Variants in RBFOX1 observed in about 807,000 individuals in gnomAD.
The protein encoded by RBFOX1 is RNA binding protein fox-1 homolog 1.
A neutral mutation model predicts 57.7 loss-of-function variants in RBFOX1; 8 were observed. The observed-to-expected ratio is 0.14, with a 90% CI of 0.08 to 0.25. The LOEUF (loss-of-function observed/expected upper bound fraction) is 0.25, where lower values mean the gene tolerates loss of function less well. Among genes scored for constraint, RBFOX1 ranks in the 10% least tolerant of loss-of-function variants. The pLI, the probability that RBFOX1 is intolerant of heterozygous loss-of-function variation, is 1.00. For missense variants in RBFOX1, 611 were observed against 548.5 expected (o/e 1.11, Z -1.14); for synonymous variants, 326 against 222.4 (o/e 1.47, Z -4.15).
At chr16:7,687,317 G>T (rs2076275862) in intron 14 of RBFOX1, among the ~76,000 whole-genome samples, 1 of 152,012 alleles carries the variant, frequency 6.6e-6, no homozygotes, top group Admixed American at 6.6e-5. Context: ...TGATTGCAAG[G>T]AACCTCCCTT....
At chr16:6,220,664 T>G (rs941060912) in intron 1 of RBFOX1, among the ~76,000 whole-genome samples, 1 of 152,140 alleles carries the variant, frequency 6.6e-6, no homozygotes, top group Non-Finnish European at 1.5e-5. Context: ...TGGTTTGTGG[T>G]GTGTGTTTAC....
chr16:6,020,930 T>C (rs2152351240), intron 1 of RBFOX1, among the ~76,000 whole-genome samples: 1 of 152,242 alleles, frequency 6.6e-6, no homozygotes, highest in East Asian at 1.9e-4. Context: ...AGCCCCCAGC[T>C]CCATTCCTTG....
chr16:5,377,238 T>C (rs500780), intron 1 of RBFOX1, among the ~76,000 whole-genome samples: 73,836 of 151,082 alleles, frequency 0.49, 21,687 homozygotes, highest in African/African-American at 0.82. Flanking sequence ...GCAAGTATGT[T>C]CAGGAATGGG....
At chr16:6,669,361 G>A (rs1173468938) in intron 3 of RBFOX1, among the ~76,000 whole-genome samples, 3 of 152,090 alleles carry the variant, frequency 2.0e-5, no homozygotes, top group Admixed American at 1.3e-4. Flanking sequence ...GCAATTCTGG[G>A]TTAGGATTTA....
chr16:5,825,679 A>C (rs528553103), intron 3 of RBFOX1, among the ~76,000 whole-genome samples: 3 of 152,138 alleles, frequency 2.0e-5, no homozygotes, highest in Non-Finnish European at 4.4e-5. Context: ...GAAACTTTTC[A>C]TCACCCCAAA....
chr16:6,670,147 A>G (rs1044920814), intron 3 of RBFOX1, among the ~76,000 whole-genome samples: 4 of 152,128 alleles, frequency 2.6e-5, no homozygotes, highest in African/African-American at 4.8e-5. Context: ...CCAAGTGGGC[A>G]TGTTGTACTT....
chr16:7,152,222 C>T (rs371219734), intron 4 of RBFOX1, among the ~76,000 whole-genome samples: 30 of 152,130 alleles, frequency 2.0e-4, no homozygotes, highest in African/African-American at 5.8e-4. Flanking sequence ...CTATACCATG[C>T]GTCCATAGCG....
chr16:7,175,253 T>C (rs1446740642), intron 4 of RBFOX1, among the ~76,000 whole-genome samples: 2 of 152,086 alleles, frequency 1.3e-5, no homozygotes, highest in Non-Finnish European at 2.9e-5. Context: ...CCTGTGCCCA[T>C]GTATTTTCAT....
chr16:5,895,099 A>C (rs1402518334), intron 4 of RBFOX1, among the ~76,000 whole-genome samples: 1 of 152,224 alleles, frequency 6.6e-6, no homozygotes, highest in Non-Finnish European at 1.5e-5. Flanking sequence ...GAATCACTTG[A>C]ATCCACATTT....
chr16:7,671,485 G>T, intron 13 of RBFOX1: 1 of 1,385,432 alleles, frequency 7.2e-7, no homozygotes, highest in Non-Finnish European at 1.0e-6. Context: ...TCTGGAATTT[G>T]TCTGACTTAT....
chr16:7,207,351 C>A (rs909660154), intron 4 of RBFOX1, among the ~76,000 whole-genome samples: 3 of 152,118 alleles, frequency 2.0e-5, no homozygotes, highest in Non-Finnish European at 4.4e-5. Flanking sequence ...TCTTATTTCT[C>A]CACTGTCCCT....
At chr16:5,387,169 G>A (rs920876111) in intron 1 of RBFOX1, among the ~76,000 whole-genome samples, 1 of 152,192 alleles carries the variant, frequency 6.6e-6, no homozygotes, top group Non-Finnish European at 1.5e-5. Flanking sequence ...ACAGGTTTCT[G>A]TTTGTATCAT....
At position 7,711,939 on chromosome 16, in the gene RBFOX1, C is replaced by G. The variant is rs1297630226; in HGVS notation, c.*1194C>G. On this transcript the variant is annotated 3_prime_UTR_variant, in exon 16 of 16. Coordinates refer to ENST00000550418, the MANE Select transcript of RBFOX1 (RefSeq NM_018723.4). ...TTTCAGTCCGTGAGATCCTGCCCTTCCACCTCTTTCCCATACCCCCAAGGA... is the reference window on the plus strand; with the variant it reads ...TTTCAGTCCGTGAGATCCTGCCCTTGCACCTCTTTCCCATACCCCCAAGGA... The G allele has an allele frequency of 1.3e-5, 2 of 152,484 alleles. No homozygotes were observed. Among genetic ancestry groups the G allele is most frequent in the African/African-American group, 4.8e-5 (2 of 41,416 alleles). 9.4% of individuals were successfully genotyped at this position (152,484 alleles called of 1,614,324 possible).
At chr16:5,747,233 C>G (rs1218800187) in intron 3 of RBFOX1, among the ~76,000 whole-genome samples, 1 of 152,166 alleles carries the variant, frequency 6.6e-6, no homozygotes, top group Middle Eastern at 3.2e-3. Flanking sequence ...AGGGTTGAAG[C>G]CCACTTGATC....
chr16:7,395,085 C>G (rs1211665559), intron 4 of RBFOX1, among the ~76,000 whole-genome samples: 2 of 151,866 alleles, frequency 1.3e-5, no homozygotes, highest in African/African-American at 4.8e-5. Flanking sequence ...TTGATTCAAA[C>G]CAATTTTTTT....
At chr16:6,472,430 T>C (rs956524939) in intron 2 of RBFOX1, among the ~76,000 whole-genome samples, 19 of 152,150 alleles carry the variant, frequency 1.2e-4, no homozygotes, top group Non-Finnish European at 2.2e-4. Context: ...TTGACCCTAT[T>C]TCTGCACTTG....
chr16:6,538,460 C>G (rs1349504334), intron 2 of RBFOX1, among the ~76,000 whole-genome samples: 2 of 152,134 alleles, frequency 1.3e-5, no homozygotes, highest in East Asian at 1.9e-4. Flanking sequence ...CTACTGCACT[C>G]TAGCCTGGGC....
chr16:6,263,339 C>G (rs576741533), intron 1 of RBFOX1, among the ~76,000 whole-genome samples: 1 of 151,908 alleles, frequency 6.6e-6, no homozygotes, highest in Non-Finnish European at 1.5e-5. Context: ...ACTGTGGGGC[C>G]GGTGTGGGAT....
At chr16:5,401,769 T>TCCTCCTCTGCCGCTGTCA (rs1179254352) in intron 1 of RBFOX1, among the ~76,000 whole-genome samples, 41 of 145,334 alleles carry the variant, frequency 2.8e-4, no homozygotes, top group African/African-American at 1.0e-3. Flanking sequence ...GTCTCTCTCC[T>TCCTCCTCTGCCGCTGTCA]CCTCCTCCTC....
Sources: gnomAD v4.1 joint callset for allele counts (sites outside exome capture counted in the v4.1 genomes callset) on GRCh38, gnomAD v4.1.1 for gene constraint, MANE v1.5 for transcripts, NCBI Gene and HGNC (gene_info 2026-07-23, HGNC 2026-07-21) for gene names.